PLAC1: variants seen among roughly 807,000 people sequenced by gnomAD.
The protein encoded by PLAC1 is placenta associated 1.
For synonymous variants in PLAC1, 68 were observed against 62.1 expected (o/e 1.09, Z -0.44); for missense variants, 136 against 163.2 (o/e 0.83, Z 0.91).
intron 1 of PLAC1, among the ~76,000 whole-genome samples, chrX:134,624,617 A>C (rs1236592677): frequency 8.9e-6 from 1 of 112,055 alleles, no homozygotes; most frequent in Non-Finnish European, 1.9e-5. Context: ...TGATAGTATA[A>C]ATTTTCACTG....
chrX:134,643,392 A>C lies in PLAC1; in HGVS notation c.-131+14936T>G, dbSNP rs1344772524. Among the ~76,000 whole-genome samples the C allele has an allele frequency of 2.4e-4, 27 of 112,057 alleles. No individual in the cohort carries two copies. The Admixed American group carries it at 2.6e-3, about 11-fold the overall frequency. ...AACAAACAATTTCAGAGCATTAAAA[A>C]AGATGAGAAACTTCCAACTTATTTT... On this transcript the variant is annotated intron_variant, in intron 1 of 2. Transcript: ENST00000359237.
chrX:134,570,619 A>G (rs2077903299), intron 2 of PLAC1, among the ~76,000 whole-genome samples: 1 of 111,694 alleles, frequency 9.0e-6, no homozygotes, highest in Non-Finnish European at 1.9e-5. Context: ...GCCCGAAGCA[A>G]TGAGCCTAGA....
At chrX:134,699,057 A>G (rs746995153) in intron 2 of PLAC1, among the ~76,000 whole-genome samples, 42 of 111,220 alleles carry the variant, frequency 3.8e-4, no homozygotes, top group Non-Finnish European at 7.0e-4. Context: ...CTTTTTGTCT[A>G]CATTTACTAT....
At chrX:134,675,328 C>G (rs758622528) in intron 2 of PLAC1, among the ~76,000 whole-genome samples, 4 of 112,782 alleles carry the variant, frequency 3.5e-5, no homozygotes, top group Admixed American at 9.3e-5. Flanking sequence ...TTTGTCCCCC[C>G]ACAGGCCTCC....
upstream of PLAC1, among the ~76,000 whole-genome samples, chrX:134,660,208 G>T (rs761049381): frequency 9.1e-6 from 1 of 110,015 alleles, no homozygotes; most frequent in African/African-American, 3.3e-5. Flanking sequence ...GGGTTCAAGC[G>T]ATTCTTCTGC....
intron 2 of PLAC1, among the ~76,000 whole-genome samples, chrX:134,570,072 C>T (rs1432241613): frequency 9.0e-6 from 1 of 111,514 alleles, no homozygotes; most frequent in Admixed American, 9.6e-5. Flanking sequence ...TCAGGTGATC[C>T]GCCTGCCTTG....
At chrX:134,587,892 T>C (rs1308934840) in intron 2 of PLAC1, among the ~76,000 whole-genome samples, 2 of 112,016 alleles carry the variant, frequency 1.8e-5, no homozygotes, top group African/African-American at 3.2e-5. Flanking sequence ...AAATCGATGT[T>C]GTTCTGTTAC....
In PLAC1 at chrX:134,735,437, AAAAG is replaced by A. The variant is rs756958302; in HGVS notation, n.90-1922_90-1919del. 1.2e-4 allele frequency among the ~76,000 whole-genome samples: 13 copies of A among 111,517 alleles called. No individual in the cohort carries two copies. In the East Asian group the frequency reaches 2.8e-3, roughly 24 times the overall value. ...CTGCTCTAAAGATTTGTTAAAAAAAAAAAGAAAGAAAAGAAAAAAGAACTGGAGA... is the reference window on the plus strand; with the variant it reads ...CTGCTCTAAAGATTTGTTAAAAAAAAAAAGAAAAGAAAAAAGAACTGGAGA... On this transcript the variant is annotated intron_variant and non_coding_transcript_variant, in intron 1 of 2. Transcript: ENST00000466797.
At chrX:134,622,145 C>CTG (rs1436027315) in intron 1 of PLAC1, among the ~76,000 whole-genome samples, 1 of 111,808 alleles carries the variant, frequency 8.9e-6, no homozygotes, top group Non-Finnish European at 1.9e-5. Flanking sequence ...AGATGAAGCT[C>CTG]TGTGCAAATG....
At chrX:134,675,017 A>T (rs1213663182) in intron 2 of PLAC1, among the ~76,000 whole-genome samples, 1 of 112,232 alleles carries the variant, frequency 8.9e-6, no homozygotes, top group African/African-American at 3.2e-5. Context: ...TTGGGACCTC[A>T]GTTGTCCTAA....
At chrX:134,589,283 C>G (rs1329595203) in intron 2 of PLAC1, among the ~76,000 whole-genome samples, 1 of 110,583 alleles carries the variant, frequency 9.0e-6, no homozygotes, top group Non-Finnish European at 1.9e-5. Flanking sequence ...TAATTTTTAG[C>G]TTGAGTAGCA....
rs185599647 is a variant in PLAC1 at position 134,672,780 on chromosome X, A to G, written n.174+60655T>C. On this transcript the variant is annotated intron_variant and non_coding_transcript_variant, in intron 2 of 2. Coordinates refer to the PLAC1 transcript ENST00000466797. Reference sequence around the variant, plus strand: ...CTATACATAAGTTGCTGCACTAACAATGCCCTGTAATAGGCAACCGGCTGG... The same window carrying G: ...CTATACATAAGTTGCTGCACTAACAGTGCCCTGTAATAGGCAACCGGCTGG... 7.3e-3 allele frequency among the ~76,000 whole-genome samples: 828 copies of G among 113,038 alleles called. 5 individuals are homozygous for G. Among genetic ancestry groups the G allele is most frequent in the Non-Finnish European group, 0.011 (607 of 53,380 alleles).
At chrX:134,738,928 G>T (rs1477079741) in intron 1 of PLAC1, among the ~76,000 whole-genome samples, 1 of 112,614 alleles carries the variant, frequency 8.9e-6, no homozygotes, top group Non-Finnish European at 1.9e-5. Context: ...AGATTTAAAA[G>T]AAATAATTAT....
At chrX:134,647,415 T>TGTGA (rs2078339620) in intron 1 of PLAC1, among the ~76,000 whole-genome samples, 2 of 98,245 alleles carry the variant, frequency 2.0e-5, no homozygotes, top group Admixed American at 1.1e-4. Flanking sequence ...TGCATCTGTG[T>TGTGA]GTGTGTGTGT....
chrX:134,762,196 A>C (rs757362323), intron 1 of PLAC1, among the ~76,000 whole-genome samples: 5 of 92,487 alleles, frequency 5.4e-5, no homozygotes, highest in East Asian at 3.4e-4. Context: ...CTGTTGAGGC[A>C]CCCCCCCCCC....
chrX:134,651,647 C>T (rs1329294429), intron 1 of PLAC1, among the ~76,000 whole-genome samples: 2 of 111,002 alleles, frequency 1.8e-5, no homozygotes, highest in Non-Finnish European at 3.8e-5. Flanking sequence ...ACTGTCCCTA[C>T]TCCAAACATC....
intron 1 of PLAC1, among the ~76,000 whole-genome samples, chrX:134,747,146 C>T (rs7056552): frequency 0.033 from 3,675 of 112,057 alleles, 39 homozygotes; most frequent in Middle Eastern, 0.046. Flanking sequence ...TCATTCAGGA[C>T]AATGACATAC....
intron 2 of PLAC1, among the ~76,000 whole-genome samples, chrX:134,711,775 A>G (rs777713822): frequency 9.0e-6 from 1 of 111,088 alleles, no homozygotes; most frequent in South Asian, 3.8e-4. Flanking sequence ...TGCTTTTTCA[A>G]TCAGAAGGGA....
At chrX:134,645,100 C>CTCT (rs1438758317) in intron 1 of PLAC1, among the ~76,000 whole-genome samples, 1 of 111,894 alleles carries the variant, frequency 8.9e-6, no homozygotes, top group Non-Finnish European at 1.9e-5. Context: ...TATGTATGTA[C>CTCT]TCTCTGCTTT....
Sources: allele counts gnomAD v4.1 joint callset (sites outside exome capture counted in the v4.1 genomes callset), GRCh38; gene constraint gnomAD v4.1.1; transcripts MANE v1.5; gene names NCBI Gene and HGNC (gene_info 2026-07-23, HGNC 2026-07-21).